Variants in OLFM1 observed in about 807,000 individuals in gnomAD.
OLFM1 encodes noelin.
OLFM1 carries 9 observed loss-of-function variants against 49.7 expected under a neutral mutation model. The observed-to-expected ratio is 0.18, with a 90% confidence interval of 0.11 to 0.32. OLFM1 has a LOEUF of 0.32. OLFM1 is among the 10% of genes least tolerant of loss of function. The pLI is 1.00. For missense variants in OLFM1, 369 were observed against 661.8 expected (o/e 0.56, Z 4.85); for synonymous variants, 240 against 271.8 (o/e 0.88, Z 1.15).
intron 1 of OLFM1, among the ~76,000 whole-genome samples, chr9:135,081,277 A>T (rs892443638): frequency 1.3e-5 from 2 of 152,204 alleles, no homozygotes; most frequent in Non-Finnish European, 2.9e-5. Context: ...TTGTTAAGAC[A>T]GAAAGAAAAT....
intron 1 of OLFM1, among the ~76,000 whole-genome samples, chr9:135,082,047 C>T (rs1475288745): frequency 6.6e-6 from 1 of 152,220 alleles, no homozygotes; most frequent in African/African-American, 2.4e-5. Flanking sequence ...CACGCCCCTG[C>T]CTGGGCTCCA....
chr9:135,120,497 G>A lies in OLFM1; in HGVS notation c.*319G>A, dbSNP rs996105843. On this transcript the variant is annotated 3_prime_UTR_variant, in exon 6 of 6. Coordinates refer to ENST00000371793, the MANE Select transcript of OLFM1 (RefSeq NM_001282611.2). ...CAATGACTGTTGGCCAGTTCTCACC[G>A]GGGAAAAACCCACTGTTAGGATGGC... is the stretch of plus-strand genomic sequence containing the variant. 5.2e-5 allele frequency: 18 copies of A among 345,024 alleles called. No individual in the cohort carries two copies. The highest frequency in any genetic ancestry group is 2.7e-4 in the South Asian group (6 of 22,362). The allele number at this position is 345,024 out of a possible 1,614,324, so 21.4% of individuals were successfully genotyped here. A position where few individuals can be genotyped will look rare whatever the true frequency, so the allele number is the denominator to read the frequency against.
chr9:135,092,017 G>A (rs1030318276), intron 2 of OLFM1, among the ~76,000 whole-genome samples: 1 of 152,244 alleles, frequency 6.6e-6, no homozygotes, highest in African/African-American at 2.4e-5. Flanking sequence ...TATGGCAGGA[G>A]GCCTGTGAGG....
At chr9:135,108,460 C>T (rs12337664) in intron 5 of OLFM1, among the ~76,000 whole-genome samples, 1 of 151,816 alleles carries the variant, frequency 6.6e-6, no homozygotes, top group Admixed American at 6.6e-5. Context: ...AAGGTGAAAC[C>T]CCATCTCTCT....
intron 1 of OLFM1, chr9:135,077,318 C>T (rs910116717): frequency 1.4e-6 from 2 of 1,389,978 alleles, no homozygotes; most frequent in Non-Finnish European, 1.9e-6. Flanking sequence ...CATGGCCGCA[C>T]CCAAGGGCCC....
intron 1 of OLFM1, chr9:135,076,334 G>T (rs1830465878): frequency 1.9e-6 from 3 of 1,548,946 alleles, no homozygotes; most frequent in Non-Finnish European, 2.6e-6. Context: ...GGCCAGCTGT[G>T]TGCATTGCTG....
chr9:135,099,948 A>G (rs1057372493), intron 4 of OLFM1, among the ~76,000 whole-genome samples: 4 of 152,288 alleles, frequency 2.6e-5, no homozygotes, highest in Middle Eastern at 3.4e-3. Flanking sequence ...ATGGGGCTAT[A>G]TAACTATTGC....
intron 1 of OLFM1, among the ~76,000 whole-genome samples, chr9:135,077,926 C>T (rs773350784): frequency 1.3e-5 from 2 of 152,234 alleles, no homozygotes; most frequent in African/African-American, 2.4e-5. Context: ...GGCTCAGCAC[C>T]AGCACCCGAG....
intron 5 of OLFM1, among the ~76,000 whole-genome samples, chr9:135,115,695 G>A (rs1402863614): frequency 2.0e-5 from 3 of 152,222 alleles, no homozygotes; most frequent in Admixed American, 6.5e-5. Flanking sequence ...TGCCCCCAGG[G>A]CAGATCACCA....
intron 3 of OLFM1, chr9:135,097,749 T>C: frequency 6.4e-7 from 1 of 1,574,582 alleles, no homozygotes; most frequent in South Asian, 1.1e-5. Context: ...GTGAGCTAGT[T>C]CTTCAACGGT....
intron 1 of OLFM1, among the ~76,000 whole-genome samples, chr9:135,078,672 A>G (rs1329717111): frequency 2.0e-5 from 3 of 152,206 alleles, no homozygotes; most frequent in Non-Finnish European, 4.4e-5. Context: ...CAGGGTCCAG[A>G]GGCATTGATC....
intron 1 of OLFM1, chr9:135,076,134 G>A: frequency 6.5e-7 from 1 of 1,549,420 alleles, no homozygotes; most frequent in East Asian, 2.4e-5. Flanking sequence ...TTGTCATCTG[G>A]AGGGGGAAGA....
Position 135,120,183 on chromosome 9 carries a change from C to A in OLFM1, c.*5C>A. ...ATCCGCTCCGACGAGTTGTAGCTCC[C>A]TCCTCCTGGAAGCCAAGGGCCCACG... On this transcript the variant is annotated 3_prime_UTR_variant, in exon 6 of 6. Coordinates refer to ENST00000371793, the MANE Select transcript of OLFM1 (RefSeq NM_001282611.2). 1 of 1,600,500 alleles carries A rather than the reference C, an allele frequency of 6.2e-7. No individual in the cohort carries two copies. The highest frequency in any genetic ancestry group is 8.5e-7 in the Non-Finnish European group (1 of 1,172,896).
At chr9:135,101,339 G>C (rs554924376) in intron 4 of OLFM1, among the ~76,000 whole-genome samples, 5 of 152,278 alleles carry the variant, frequency 3.3e-5, no homozygotes, top group African/African-American at 1.2e-4. Context: ...AACAGGGTCC[G>C]GGTTCCCTTC....
At chr9:135,095,509 CACTACCAAAAAAAAAA>C (rs1830776338) in intron 2 of OLFM1, among the ~76,000 whole-genome samples, 1 of 99,322 alleles carries the variant, frequency 1.0e-5, no homozygotes, top group Admixed American at 1.0e-4. Flanking sequence ...CCCCACCCAC[CACTACCAAAAAAAAAA>C]AAAAAAGAGA....
At chr9:135,075,624 G>C (rs892865990) in exon 1 of OLFM1, 1 of 976,846 alleles carries the variant, frequency 1.0e-6, no homozygotes, top group African/African-American at 1.7e-5. Flanking sequence ...AGGCGCCGCC[G>C]CCGGAGCCAG....
intron 5 of OLFM1, among the ~76,000 whole-genome samples, chr9:135,114,158 G>T (rs1831063544): frequency 1.1e-5 from 1 of 91,714 alleles, no homozygotes; most frequent in Non-Finnish European, 1.9e-5. Context: ...TTTGAGACAG[G>T]GTCTCACTCT....
chr9:135,100,026 C>A (rs1387171920), intron 4 of OLFM1, among the ~76,000 whole-genome samples: 2 of 152,186 alleles, frequency 1.3e-5, no homozygotes, highest in Non-Finnish European at 2.9e-5. Context: ...CCCCTCTCTC[C>A]AGGACCTCCA....
At chr9:135,118,830 G>GCCGGGTCTTTGGAGTGCTCA (rs772604717) in intron 5 of OLFM1, among the ~76,000 whole-genome samples, 1 of 113,148 alleles carries the variant, frequency 8.8e-6, no homozygotes, top group East Asian at 2.8e-4. Context: ...TGGAGTGCTC[G>GCCGGGTCTTTGGAGTGCTCA]CCGGGTCTTT....
Sources: gnomAD v4.1 joint callset for allele counts (sites outside exome capture counted in the v4.1 genomes callset) on GRCh38, gnomAD v4.1.1 for gene constraint, MANE v1.5 for transcripts, NCBI Gene and HGNC (gene_info 2026-07-23, HGNC 2026-07-21) for gene names.